SYT14: variants seen among roughly 807,000 people sequenced by gnomAD.
SYT14 encodes synaptotagmin-14.
A neutral mutation model predicts 74.2 loss-of-function variants in SYT14; 32 were observed. The ratio of observed to expected loss-of-function variants is 0.43; its 90% CI spans 0.33 to 0.58. The LOEUF (loss-of-function observed/expected upper bound fraction) is 0.58, where lower values mean the gene tolerates loss of function less well. SYT14 is among the 20% of genes least tolerant of loss of function. SYT14 has a pLI of 0.05. For missense variants in SYT14, 791 were observed against 981.8 expected (o/e 0.81, Z 2.60); for synonymous variants, 298 against 337.7 (o/e 0.88, Z 1.29).
intron 8 of SYT14, 47 bp downstream of exon 7, chr1:210,155,957 G>T: frequency 6.4e-7 from 1 of 1,562,762 alleles, no homozygotes; most frequent in East Asian, 2.3e-5. Flanking sequence ...CTGCACTTTT[G>T]GGACTCTCAG....
At chr1:209,970,677 T>TATTTTA (rs1268928679) in intron 2 of SYT14, among the ~76,000 whole-genome samples, 5 of 44,514 alleles carry the variant, frequency 1.1e-4, no homozygotes, top group African/African-American at 2.9e-4. Context: ...TTTTTTTTTT[T>TATTTTA]TTTTTTTTTT....
At chr1:209,990,645 CA>C (rs2079666692) in intron 2 of SYT14, among the ~76,000 whole-genome samples, 1 of 140,998 alleles carries the variant, frequency 7.1e-6, no homozygotes, top group East Asian at 2.0e-4. Context: ...TGTTATTTAT[CA>C]AAAATTTAGC....
At chr1:210,168,766 G>A (rs902450148) in exon 10 of SYT14, 5 of 152,072 alleles carry the variant, frequency 3.3e-5, no homozygotes, top group African/African-American at 9.7e-5. Context: ...TCCTTCTGAC[G>A]GTTTAATTTT....
chr1:210,078,412 GA>G lies in SYT14; in HGVS notation c.1313-15907del, dbSNP rs1280330570. Among the ~76,000 whole-genome samples the G allele has an allele frequency of 2.0e-5, 3 of 150,906 alleles. No homozygotes were observed. The East Asian group carries it at 5.8e-4, about 29-fold the overall frequency. ...GATTTGATAACTGCATGTGGATCAT[GA>G]AATCAGTTTAGTAGGTCTTGACAAA... is the stretch of plus-strand genomic sequence containing the variant. On this transcript the variant is annotated intron_variant, in intron 5 of 9. Transcript: ENST00000637265.
At chr1:210,124,571 A>G (rs530179574) in intron 7 of SYT14, among the ~76,000 whole-genome samples, 1 of 152,352 alleles carries the variant, frequency 6.6e-6, no homozygotes, top group Non-Finnish European at 1.5e-5. Flanking sequence ...TGACATAAAA[A>G]TTAGAAAGAT....
At chr1:209,961,940 A>G (rs1423000678) in intron 2 of SYT14, among the ~76,000 whole-genome samples, 3 of 152,160 alleles carry the variant, frequency 2.0e-5, no homozygotes, top group South Asian at 2.1e-4. Context: ...AGTGGCTCCT[A>G]GTATGAAAAA....
At chr1:210,068,524 T>C (rs2081336696) in intron 5 of SYT14, among the ~76,000 whole-genome samples, 1 of 151,820 alleles carries the variant, frequency 6.6e-6, no homozygotes, top group African/African-American at 2.4e-5. Flanking sequence ...AAATCACTTG[T>C]ATCTTACGAG....
intron 5 of SYT14, among the ~76,000 whole-genome samples, chr1:210,022,810 C>G (rs2080330537): frequency 6.6e-6 from 1 of 152,018 alleles, no homozygotes; most frequent in African/African-American, 2.4e-5. Context: ...GTGTGCATTC[C>G]CTTTTTGCAG....
At chr1:210,036,141 C>T (rs1000555880) in intron 5 of SYT14, among the ~76,000 whole-genome samples, 5 of 151,772 alleles carry the variant, frequency 3.3e-5, no homozygotes, top group Non-Finnish European at 7.4e-5. Context: ...GAATGTAGTA[C>T]TAGGTGTTTT....
chr1:210,005,076 G>C (rs1212557662), intron 2 of SYT14, among the ~76,000 whole-genome samples: 1 of 151,974 alleles, frequency 6.6e-6, no homozygotes, highest in Non-Finnish European at 1.5e-5. Flanking sequence ...ATGCTGGTAA[G>C]GTTAGATGAA....
intron 7 of SYT14, among the ~76,000 whole-genome samples, chr1:210,129,194 C>T (rs1558209169): frequency 6.6e-6 from 1 of 152,198 alleles, no homozygotes; most frequent in Non-Finnish European, 1.5e-5. Flanking sequence ...TGAATGCACA[C>T]CAACTCAAAA....
Position 210,025,660 on chromosome 1 carries a change from G to A in SYT14, c.1312+4406G>A, listed in dbSNP as rs899853969. On this transcript the variant is annotated intron_variant, in intron 5 of 9. Coordinates refer to ENST00000637265, the Ensembl canonical transcript of SYT14. ...TAGAGAGGACCTGAAGAGGTATTAG[G>A]AGAGACCAGTGCAAGAGAACTTTTA... Among the ~76,000 whole-genome samples the A allele has an allele frequency of 7.2e-5, 11 of 152,078 alleles. 1 individual carries two copies. Among genetic ancestry groups the A allele is most frequent in the Admixed American group, 4.6e-4 (7 of 15,272 alleles).
intron 7 of SYT14, among the ~76,000 whole-genome samples, chr1:210,135,169 A>G (rs547961753): frequency 2.0e-5 from 3 of 152,078 alleles, no homozygotes; most frequent in Non-Finnish European, 4.4e-5. Context: ...TTTAGTAGAG[A>G]CAGGGTTTTG....
intron 5 of SYT14, among the ~76,000 whole-genome samples, chr1:210,051,532 T>A (rs2080996211): frequency 6.6e-6 from 1 of 152,234 alleles, no homozygotes; most frequent in African/African-American, 2.4e-5. Flanking sequence ...CTCACCTGTG[T>A]AGATAACCAC....
chr1:210,116,551 TG>T (rs1342284849), intron 7 of SYT14, among the ~76,000 whole-genome samples: 2 of 152,212 alleles, frequency 1.3e-5, no homozygotes, highest in Non-Finnish European at 2.9e-5. Context: ...TTCACCATGT[TG>T]GCCAGGCTGG....
exon 4 of SYT14, chr1:210,015,800 T>G (rs537417917): frequency 9.5e-7 from 1 of 1,054,818 alleles, no homozygotes; most frequent in African/African-American, 1.6e-5. Flanking sequence ...TGATTTTTTT[T>G]TTCCGGAAGA....
At chr1:210,037,197 G>T (rs142534994) in intron 5 of SYT14, among the ~76,000 whole-genome samples, 1 of 151,870 alleles carries the variant, frequency 6.6e-6, no homozygotes, top group Non-Finnish European at 1.5e-5. Flanking sequence ...ATTTCCTCTA[G>T]GTTTTCTAGT....
chr1:210,043,455 T>A (rs2080830752), intron 5 of SYT14, among the ~76,000 whole-genome samples: 1 of 151,904 alleles, frequency 6.6e-6, no homozygotes, highest in Non-Finnish European at 1.5e-5. Context: ...GTAAAATATG[T>A]GTGTAAAAAA....
At chr1:209,987,940 T>A (rs1166994745) in intron 2 of SYT14, among the ~76,000 whole-genome samples, 1 of 152,192 alleles carries the variant, frequency 6.6e-6, no homozygotes, top group Non-Finnish European at 1.5e-5. Flanking sequence ...TTTGTGTAGT[T>A]TTCTTCGTTT....
Sources: allele counts gnomAD v4.1 joint callset (sites outside exome capture counted in the v4.1 genomes callset), GRCh38; gene constraint gnomAD v4.1.1; transcripts MANE v1.5; gene names NCBI Gene and HGNC (gene_info 2026-07-23, HGNC 2026-07-21).